GRID2: variants seen among roughly 807,000 people sequenced by gnomAD.
The protein encoded by GRID2 is glutamate receptor ionotropic, delta-2.
A neutral mutation model predicts 114.8 loss-of-function variants in GRID2; 33 were observed. The observed-to-expected ratio is 0.29, with a 90% CI of 0.22 to 0.38. The LOEUF (loss-of-function observed/expected upper bound fraction) is 0.38. GRID2 is among the 10% of genes least tolerant of loss of function. The pLI is 1.00. For synonymous variants in GRID2, 505 were observed against 449.9 expected, an observed-to-expected ratio of 1.12 and a Z score of -1.55; for missense variants, 1,184 against 1,257.7, an observed-to-expected ratio of 0.94 and a Z score of 0.89.
At chr4:93,582,649 G>A (rs542617440) in intron 13 of GRID2, among the ~76,000 whole-genome samples, 1 of 152,026 alleles carries the variant, frequency 6.6e-6, no homozygotes, top group South Asian at 2.1e-4. Flanking sequence ...CTTACAAAAT[G>A]TATTTATCTC....
chr4:93,018,490 A>C (rs954379021), intron 2 of GRID2, among the ~76,000 whole-genome samples: 5 of 152,112 alleles, frequency 3.3e-5, no homozygotes, highest in Non-Finnish European at 5.9e-5. Context: ...TTATTCATCC[A>C]TCACTGGTTT....
intron 8 of GRID2, among the ~76,000 whole-genome samples, chr4:93,250,614 C>A: frequency 6.8e-6 from 1 of 147,054 alleles, no homozygotes; most frequent in East Asian, 2.0e-4. Context: ...TTCCAGAGAG[C>A]AAAACTTTTC....
chr4:92,625,464 A>G (rs1481831390), intron 2 of GRID2, among the ~76,000 whole-genome samples: 1 of 151,846 alleles, frequency 6.6e-6, no homozygotes, highest in Non-Finnish European at 1.5e-5. Flanking sequence ...TATTGCCTCT[A>G]AGTAAGGGAT....
At chr4:93,563,687 G>C (rs1358271181) in intron 13 of GRID2, among the ~76,000 whole-genome samples, 2 of 151,910 alleles carry the variant, frequency 1.3e-5, no homozygotes, top group African/African-American at 4.8e-5. Context: ...GATCTAAAAG[G>C]AAAAGTGGCC....
At chr4:93,389,640 C>A (rs181751919) in intron 8 of GRID2, among the ~76,000 whole-genome samples, 57 of 152,210 alleles carry the variant, frequency 3.7e-4, no homozygotes, top group African/African-American at 1.3e-3. Flanking sequence ...AGGTTCATAT[C>A]ATATTTATTA....
At chr4:92,666,645 G>A (rs1175964427) in intron 2 of GRID2, among the ~76,000 whole-genome samples, 1 of 73,188 alleles carries the variant, frequency 1.4e-5, no homozygotes, top group Non-Finnish European at 2.8e-5. Context: ...GTAAACTTAA[G>A]GGTTGTTTTT....
At chr4:93,579,115 A>G (rs903793021) in intron 13 of GRID2, among the ~76,000 whole-genome samples, 1 of 152,122 alleles carries the variant, frequency 6.6e-6, no homozygotes, top group African/African-American at 2.4e-5. Context: ...ATTATTGGTT[A>G]TGACATGTAC....
chr4:92,590,295 A>C lies in GRID2; in HGVS notation c.244+9A>C. 1.3e-6 allele frequency: 2 copies of C among 1,597,352 alleles called. No homozygotes were observed. The highest frequency in any genetic ancestry group is 8.5e-7 in the Non-Finnish European group (1 of 1,171,876). ...CCAAGCAGTTCAAGAAGGTAAGGTC[A>C]TCAGTATTTATTTTGGTTTTTTGGT... On this transcript the variant is annotated intron_variant, in intron 2 of 15. Coordinates refer to ENST00000282020, the MANE Select transcript of GRID2 (RefSeq NM_001510.4).
intron 2 of GRID2, among the ~76,000 whole-genome samples, chr4:92,687,425 C>T (rs1414837526): frequency 6.6e-6 from 1 of 152,100 alleles, no homozygotes; most frequent in Non-Finnish European, 1.5e-5. Flanking sequence ...GCAATTCACA[C>T]ACTGTTTTTA....
chr4:93,035,593 G>T (rs1724863485), intron 2 of GRID2, among the ~76,000 whole-genome samples: 1 of 152,082 alleles, frequency 6.6e-6, no homozygotes, highest in Admixed American at 6.6e-5. Context: ...AGGCCATAAT[G>T]AAGATATAAC....
At chr4:93,314,442 C>A (rs143933358) in intron 8 of GRID2, among the ~76,000 whole-genome samples, 19 of 152,080 alleles carry the variant, frequency 1.2e-4, no homozygotes, top group African/African-American at 4.6e-4. Flanking sequence ...GTATTCCATT[C>A]CTGGATCACT....
chr4:93,495,582 G>A (rs962141731), intron 12 of GRID2, among the ~76,000 whole-genome samples: 2 of 151,752 alleles, frequency 1.3e-5, no homozygotes, highest in East Asian at 1.9e-4. Flanking sequence ...GGAGAGTGAC[G>A]TTGTAGAAAG....
At chr4:93,289,436 C>T (rs573318424) in intron 8 of GRID2, among the ~76,000 whole-genome samples, 5 of 152,192 alleles carry the variant, frequency 3.3e-5, no homozygotes, top group South Asian at 2.1e-4. Context: ...CAGACCTTAT[C>T]GGGATGCCGT....
At chr4:92,802,122 A>G (rs1398053687) in intron 2 of GRID2, among the ~76,000 whole-genome samples, 4 of 151,898 alleles carry the variant, frequency 2.6e-5, no homozygotes, top group African/African-American at 9.7e-5. Flanking sequence ...ACTTTTTAAA[A>G]TACATATACA....
intron 8 of GRID2, among the ~76,000 whole-genome samples, chr4:93,270,630 T>G (rs1561068922): frequency 6.6e-6 from 1 of 151,972 alleles, no homozygotes; most frequent in Non-Finnish European, 1.5e-5. Flanking sequence ...TGTTTTTGTT[T>G]TGTTTTGTTT....
At position 92,468,058 on chromosome 4, in the gene GRID2, A is replaced by T. The variant is rs531937672; in HGVS notation, c.89-122073A>T. Among the ~76,000 whole-genome samples the T allele has an allele frequency of 9.9e-5, 15 of 151,724 alleles. No individual in the cohort carries two copies. The South Asian group carries it at 3.1e-3, about 32-fold the overall frequency. ...GTTTGTCATGAACCTAGACTGTGTCACTTTTTTCCATACTAAGAGGGATGC... is the reference window on the plus strand; with the variant it reads ...GTTTGTCATGAACCTAGACTGTGTCTCTTTTTTCCATACTAAGAGGGATGC... On this transcript the variant is annotated intron_variant, in intron 1 of 15. Coordinates refer to ENST00000282020, the MANE Select transcript of GRID2 (RefSeq NM_001510.4).
At chr4:92,990,287 G>GTATA (rs33925215) in intron 2 of GRID2, among the ~76,000 whole-genome samples, 2,327 of 126,998 alleles carry the variant, frequency 0.018, 61 homozygotes, top group East Asian at 0.039. Flanking sequence ...ATATGTGTGT[G>GTATA]TATATATATA....
intron 4 of GRID2, among the ~76,000 whole-genome samples, chr4:93,160,737 A>G (rs1489902910): frequency 6.6e-6 from 1 of 151,620 alleles, no homozygotes; most frequent in African/African-American, 2.4e-5. Flanking sequence ...TAGAGCTGTT[A>G]TTAGTAAATT....
intron 2 of GRID2, among the ~76,000 whole-genome samples, chr4:92,665,011 CT>C (rs1411442309): frequency 6.8e-6 from 1 of 146,452 alleles, no homozygotes; most frequent in Non-Finnish European, 1.5e-5. Context: ...AATTTCAGAG[CT>C]TAATCTACTT....
Sources: allele counts gnomAD v4.1 joint callset (sites outside exome capture counted in the v4.1 genomes callset), GRCh38; gene constraint gnomAD v4.1.1; transcripts MANE v1.5; gene names NCBI Gene and HGNC (gene_info 2026-07-23, HGNC 2026-07-21).